Variants in PCDHGA9 observed in about 807,000 individuals in gnomAD.
PCDHGA9 encodes the protein protocadherin gamma subfamily A, 9.
A neutral mutation model predicts 62.5 loss-of-function variants in PCDHGA9; 37 were observed. The observed-to-expected ratio is 0.59, with a 90% confidence interval of 0.46 to 0.78. The LOEUF is 0.78. Among genes scored for constraint, PCDHGA9 ranks in the 30% least tolerant of loss-of-function variants. The probability of loss-of-function intolerance (pLI) is 0.00; values close to 1 mark genes in which losing one functional copy is unlikely to be tolerated. For synonymous variants in PCDHGA9, 459 were observed against 484.6 expected (o/e 0.95, Z 0.69); for missense variants, 1,138 against 1,166.2 (o/e 0.98, Z 0.35).
intron 1 of PCDHGA9, chr5:141,408,468 G>T: frequency 6.2e-7 from 1 of 1,614,070 alleles, no homozygotes; most frequent in Non-Finnish European, 8.5e-7. Context: ...GTGAAGAACC[G>T]AATAGACCGT....
chr5:141,477,569 G>A lies in PCDHGA9; in HGVS notation c.2425-17238G>A. The A allele has an allele frequency of 6.2e-7, 1 of 1,614,104 alleles. No homozygotes were observed. Among genetic ancestry groups the A allele is most frequent in the Non-Finnish European group, 8.5e-7 (1 of 1,180,024 alleles). On this transcript the variant is annotated intron_variant, in intron 1 of 3. Coordinates refer to ENST00000573521, the MANE Select transcript of PCDHGA9 (RefSeq NM_018921.3). This position sits in a 1 kb window ranked among gnomAD's most constrained non-coding sequence, Gnocchi z 4.9. ...ACTAAACCTAAGTGTCTGGGACCCC[G>A]ACGCCCCGCAGAATGCTCGGCTTTC...
chr5:141,448,044 C>T (rs2098559539), intron 1 of PCDHGA9, among the ~76,000 whole-genome samples: 1 of 151,942 alleles, frequency 6.6e-6, no homozygotes, highest in African/African-American at 2.4e-5. Context: ...CAAGATCATG[C>T]CATTGCTCTC....
At chr5:141,415,066 C>A in intron 1 of PCDHGA9, 1 of 1,613,410 alleles carries the variant, frequency 6.2e-7, no homozygotes, top group Non-Finnish European at 8.5e-7. Flanking sequence ...GGGCGAGGTG[C>A]GCACGGCGCG....
chr5:141,445,889 C>A (rs920382027), intron 1 of PCDHGA9, among the ~76,000 whole-genome samples: 6 of 152,110 alleles, frequency 3.9e-5, no homozygotes, highest in African/African-American at 1.4e-4. Context: ...TACTTAGGAG[C>A]TATTAAAATA....
chr5:141,476,049 C>T lies in PCDHGA9; in HGVS notation c.2425-18758C>T. 2.0e-6 allele frequency: 3 copies of T among 1,501,848 alleles called. No homozygotes were observed. The South Asian group carries it at 4.0e-5, about 20-fold the overall frequency. 93.0% of individuals were successfully genotyped at this position (1,501,848 alleles called of 1,614,324 possible). ...CGCCCAGCGCCCAAGCGCTAACCCG[C>T]TGAAAGTTTCTCAGCGAAATCTCAG... On this transcript the variant is annotated intron_variant, in intron 1 of 3. Coordinates refer to ENST00000573521, the MANE Select transcript of PCDHGA9 (RefSeq NM_018921.3). This position sits in a 1 kb window ranked among gnomAD's most constrained non-coding sequence, Gnocchi z 7.6.
At chr5:141,448,074 G>A (rs1008235342) in intron 1 of PCDHGA9, among the ~76,000 whole-genome samples, 3 of 151,152 alleles carry the variant, frequency 2.0e-5, no homozygotes, top group Admixed American at 1.3e-4. Context: ...CAACATGAAC[G>A]AAATGCCATC....
chr5:141,469,868 C>T (rs749624047), intron 1 of PCDHGA9, among the ~76,000 whole-genome samples: 6 of 152,228 alleles, frequency 3.9e-5, no homozygotes, highest in Non-Finnish European at 7.3e-5. Flanking sequence ...CAATGGCTCA[C>T]GCCTGTAATC....
intron 1 of PCDHGA9, among the ~76,000 whole-genome samples, chr5:141,465,592 A>G (rs1485357197): frequency 6.6e-6 from 1 of 152,046 alleles, no homozygotes; most frequent in Non-Finnish European, 1.5e-5. Flanking sequence ...TAATAATCAG[A>G]TCTTATCACT....
chr5:141,431,984 G>A lies in PCDHGA9; in HGVS notation c.2424+26608G>A, dbSNP rs758365921. 2 of 1,614,220 alleles carry A rather than the reference G, an allele frequency of 1.2e-6. No individual in the cohort carries two copies. The highest frequency in any genetic ancestry group is 2.2e-5 in the South Asian group (2 of 91,086). On this transcript the variant is annotated intron_variant, in intron 1 of 3. Transcript: ENST00000573521. The surrounding 1 kb of genome is among the most constrained non-coding windows in gnomAD (Gnocchi z 4.8). ...TTACTATAGTTTAGTCACAGACATAGTCTTGGATAGGGAACAGGTTCCTAG... is the reference window on the plus strand; with the variant it reads ...TTACTATAGTTTAGTCACAGACATAATCTTGGATAGGGAACAGGTTCCTAG...
chr5:141,446,800 G>C (rs1332771959), intron 1 of PCDHGA9, among the ~76,000 whole-genome samples: 1 of 152,150 alleles, frequency 6.6e-6, no homozygotes, highest in African/African-American at 2.4e-5. Flanking sequence ...TTCTTCCATT[G>C]TGATCATCTA....
At chr5:141,475,684 T>C (rs2099367059) in intron 1 of PCDHGA9, among the ~76,000 whole-genome samples, 1 of 152,228 alleles carries the variant, frequency 6.6e-6, no homozygotes, top group African/African-American at 2.4e-5. Context: ...TTGATTTGGA[T>C]TGGAGACTTG....
In PCDHGA9 at chr5:141,482,160, T is replaced by C. The variant is rs577572891; in HGVS notation, c.2425-12647T>C. Reference sequence around the variant, plus strand: ...GCATAAAAAGGTCAAGTCAAAGATATGTAAGATTAAGGCTTTACGATGCTC... The same window carrying C: ...GCATAAAAAGGTCAAGTCAAAGATACGTAAGATTAAGGCTTTACGATGCTC... On this transcript the variant is annotated intron_variant, in intron 1 of 3. Coordinates refer to ENST00000573521, the MANE Select transcript of PCDHGA9 (RefSeq NM_018921.3). 1.6e-4 allele frequency among the ~76,000 whole-genome samples: 25 copies of C among 151,966 alleles called. No homozygotes were observed. In the South Asian group the frequency reaches 4.0e-3, roughly 24 times the overall value.
rs994740663 is a variant in PCDHGA9, at chr5:141,477,022, G to T, written c.2425-17785G>T. ...TATTCGCCTTAGACCTTGTAACCGG[G>T]ATGCTGACAATCAAGGGTCGGCTGG... On this transcript the variant is annotated intron_variant, in intron 1 of 3. Transcript: ENST00000573521. The surrounding 1 kb of genome is among the most constrained non-coding windows in gnomAD (Gnocchi z 4.9). 6.2e-7 allele frequency: 1 copy of T among 1,614,240 alleles called. No homozygotes were observed. Among genetic ancestry groups the T allele is most frequent in the African/African-American group, 1.3e-5 (1 of 75,074 alleles).
chr5:141,464,921 G>C (rs1562002597), intron 1 of PCDHGA9, among the ~76,000 whole-genome samples: 6 of 151,106 alleles, frequency 4.0e-5, no homozygotes, highest in Admixed American at 3.3e-4. Flanking sequence ...TTATTTTTTT[G>C]TAGAGATGTG....
chr5:141,411,743 G>A (rs2095510866), intron 1 of PCDHGA9: 2 of 152,860 alleles, frequency 1.3e-5, no homozygotes, highest in Non-Finnish European at 2.9e-5. Flanking sequence ...TTAGCAGGGT[G>A]TGGTGGCACA....
intron 1 of PCDHGA9, 111 bp downstream of exon 1, chr5:141,405,487 T>G (rs750718741): frequency 4.3e-6 from 4 of 924,990 alleles, no homozygotes; most frequent in Non-Finnish European, 6.4e-6. Context: ...TGGTGTGATC[T>G]CGGCTCATTG....
intron 1 of PCDHGA9, among the ~76,000 whole-genome samples, chr5:141,461,804 C>A (rs559757409): frequency 1.4e-3 from 212 of 152,036 alleles, no homozygotes; most frequent in African/African-American, 5.0e-3. Context: ...CAGGTGCCCA[C>A]CACCACACCC....
intron 1 of PCDHGA9, among the ~76,000 whole-genome samples, chr5:141,458,065 G>A (rs55848374): frequency 0.098 from 14,910 of 152,232 alleles, 965 homozygotes; most frequent in Non-Finnish European, 0.14. Flanking sequence ...GCACTGATGC[G>A]AACAACTATA....
intron 1 of PCDHGA9, among the ~76,000 whole-genome samples, chr5:141,438,647 CACACAT>C (rs1324641788): frequency 3.8e-5 from 4 of 106,486 alleles, no homozygotes; most frequent in South Asian, 2.8e-4. Flanking sequence ...CACACACACA[CACACAT>C]ATATGTATAT....
Sources: allele counts gnomAD v4.1 joint callset (sites outside exome capture counted in the v4.1 genomes callset), GRCh38; gene constraint gnomAD v4.1.1; non-coding constraint Gnocchi (gnomAD v3.1); transcripts MANE v1.5; gene names NCBI Gene and HGNC (gene_info 2026-07-23, HGNC 2026-07-21).